SCO1: variants seen among roughly 807,000 people sequenced by gnomAD.
The protein encoded by SCO1 is cytochrome c oxidase assembly factor SCO1.
SCO1 carries 23 observed loss-of-function variants against 34.0 expected under a neutral mutation model. That is an observed-to-expected ratio of 0.68 (90% CI 0.49 to 0.96). SCO1 has a LOEUF of 0.96. Ranked by LOEUF, SCO1 falls within the 40% of genes least tolerant of loss-of-function variation. The pLI is 0.00. For synonymous variants in SCO1, 161 were observed against 145.5 expected (o/e 1.11, Z -0.77); for missense variants, 404 against 381.6 (o/e 1.06, Z -0.49).
chr17:10,684,469 T>G (rs896871939), intron 5 of SCO1, among the ~76,000 whole-genome samples: 9 of 152,230 alleles, frequency 5.9e-5, no homozygotes, highest in Non-Finnish European at 1.3e-4. Flanking sequence ...GATAGCAGTC[T>G]GACCAAAACC....
chr17:10,693,261 T>C lies in SCO1; in HGVS notation c.365-300A>G, dbSNP rs2520175. Among the ~76,000 whole-genome samples, 6,841 of 152,292 alleles carry C rather than the reference T, an allele frequency of 0.045. 493 individuals carry two copies. The highest frequency in any genetic ancestry group is 0.15 in the African/African-American group (6,207 of 41,546). ...GTCCATGCTGGGGGCAGGGAGGGGC[T>C]GCAGTGGCCTAGAGCTGAATGTCTA... On this transcript the variant is annotated intron_variant, in intron 2 of 5. Transcript: ENST00000255390.
At position 10,674,119 on chromosome 17, in the gene SCO1, A is replaced by T. The variant is rs2074565480; in HGVS notation, c.*7000T>A. ...AAGACTGAGGTGGGGATCTTGTTAA[A>T]ATACAGACTGTGGGCCAGGCGTGGT... On this transcript the variant is annotated 3_prime_UTR_variant, in exon 6 of 6. Transcript: ENST00000255390. 6.5e-6 allele frequency: 1 copy of T among 152,846 alleles called. No homozygotes were observed. The allele number at this position is 152,846 out of a possible 1,614,324, so 9.5% of individuals were successfully genotyped here.
chr17:10,686,950 C>T (rs1285719539), intron 4 of SCO1, 108 bp from the exon 5 acceptor site: 14 of 737,646 alleles, frequency 1.9e-5, no homozygotes, highest in Non-Finnish European at 3.2e-5. Flanking sequence ...CACTTTCTTC[C>T]TGTGAGTCTC....
chr17:10,697,131 A>T, intron 1 of SCO1, 104 bp downstream of exon 1: 2 of 1,124,996 alleles, frequency 1.8e-6, no homozygotes, highest in Non-Finnish European at 2.5e-6. Context: ...GGACAACTTT[A>T]GGGGAGGCGG....
rs554639987 is a variant in SCO1, at chr17:10,680,700, T to C, written c.*419A>G. ...CTCAAGAAGAGGCAAGCAAGAGCACTATGGAAATTATATTCTTTTCTGTGA... is the reference window on the plus strand; with the variant it reads ...CTCAAGAAGAGGCAAGCAAGAGCACCATGGAAATTATATTCTTTTCTGTGA... On this transcript the variant is annotated 3_prime_UTR_variant, in exon 6 of 6. Transcript: ENST00000255390. 4.2e-6 allele frequency: 1 copy of C among 238,452 alleles called. No individual in the cohort carries two copies. The highest frequency in any genetic ancestry group is 6.1e-5 in the South Asian group (1 of 16,290). The allele number at this position is 238,452 out of a possible 1,614,324, so 14.8% of individuals were successfully genotyped here. A position where few individuals can be genotyped will look rare whatever the true frequency, so the allele number is the denominator to read the frequency against.
chr17:10,686,915 A>G, intron 4 of SCO1, 73 bp from the exon 5 acceptor site: 2 of 964,130 alleles, frequency 2.1e-6, no homozygotes, highest in Non-Finnish European at 3.4e-6. Context: ...CAAAAAATGT[A>G]TCAGTTGTAA....
In SCO1 at chr17:10,673,927, G is replaced by C. The variant is rs1211178907; in HGVS notation, c.*7192C>G. 6.6e-6 allele frequency: 1 copy of C among 152,196 alleles called. No individual in the cohort carries two copies. The highest frequency in any genetic ancestry group is 1.5e-5 in the Non-Finnish European group (1 of 68,032). 9.4% of individuals were successfully genotyped at this position (152,196 alleles called of 1,614,324 possible). ...ATCAGAAAATGGAATTTGTTTATTT[G>C]AGAGACTCTTCAAATTGTGTTTCAT... On this transcript the variant is annotated 3_prime_UTR_variant, in exon 6 of 6. Coordinates refer to ENST00000255390, the MANE Select transcript of SCO1 (RefSeq NM_004589.4).
chr17:10,674,938 C>T lies in SCO1; in HGVS notation c.*6181G>A, dbSNP rs2074570873. The stretch of plus-strand genomic sequence containing the variant: ...TGCAGTGAGCATCATCAGAGTGGTC[C>T]GGAGCTTGACTGACAACGACCAGCT... On this transcript the variant is annotated 3_prime_UTR_variant, in exon 6 of 6. Transcript: ENST00000255390. The T allele has an allele frequency of 6.6e-6, 1 of 152,204 alleles. No individual in the cohort carries two copies. The highest frequency in any genetic ancestry group is 2.4e-5 in the African/African-American group (1 of 41,426). The allele number at this position is 152,204 out of a possible 1,614,324, so 9.4% of individuals were successfully genotyped here.
rs1205857807 is a variant in SCO1 at position 10,692,936 on chromosome 17, G to C, written c.390C>G (p.His130Gln). 6.2e-7 allele frequency: 1 copy of C among 1,614,128 alleles called. No homozygotes were observed. Among genetic ancestry groups the C allele is most frequent in the Non-Finnish European group, 8.5e-7 (1 of 1,180,024 alleles). The stretch of plus-strand genomic sequence containing the variant: ...GTCCCCCAAGTAAAGGCTTGCCGAT[G>C]TGTCGCTGCCGTTCCTTCTCTAACT... ...AEKLEKERQR[H>Q]IGKPLLGGPF... Residue 130 changes from histidine (H) to glutamine (Q), a missense_variant, in exon 3 of 6, where the codon CAC becomes CAG. Physicochemically the swap from His to Gln is conservative, Grantham distance 24 (BLOSUM62 0). Transcript: ENST00000255390.
rs890948599 is a variant in SCO1 at position 10,675,348 on chromosome 17, C to G, written c.*5771G>C. 1 of 152,296 alleles carries G rather than the reference C, an allele frequency of 6.6e-6. No individual in the cohort carries two copies. Among genetic ancestry groups the G allele is most frequent in the African/African-American group, 2.4e-5 (1 of 41,444 alleles). 9.4% of individuals were successfully genotyped at this position (152,296 alleles called of 1,614,324 possible). A position where few individuals can be genotyped will look rare whatever the true frequency, so the allele number is the denominator to read the frequency against. On this transcript the variant is annotated 3_prime_UTR_variant, in exon 6 of 6. Transcript: ENST00000255390. ...ACCTGATGCTGGCATTAGCTTTTAT[C>G]TCTCTGCCCAAGCTACAGCAAATTG...
In SCO1 at chr17:10,680,275, T is replaced by C. The variant is rs1321247037; in HGVS notation, c.*844A>G. 6.6e-6 allele frequency: 1 copy of C among 152,244 alleles called. No homozygotes were observed. The highest frequency in any genetic ancestry group is 6.5e-5 in the Admixed American group (1 of 15,272). The allele number at this position is 152,244 out of a possible 1,614,324, so 9.4% of individuals were successfully genotyped here. A position where few individuals can be genotyped will look rare whatever the true frequency, so the allele number is the denominator to read the frequency against. On this transcript the variant is annotated 3_prime_UTR_variant, in exon 6 of 6. Transcript: ENST00000255390. ...CGCTGGAGCCTGTGGGTCTCTTTCC[T>C]GAGAACTGTGTGCAGCCATCTATGT...
chr17:10,681,644 A>G (rs1009550156), intron 5 of SCO1, among the ~76,000 whole-genome samples: 2 of 152,222 alleles, frequency 1.3e-5, no homozygotes, highest in African/African-American at 2.4e-5. Flanking sequence ...TTTGAGTAAG[A>G]TATCTCCTCA....
rs57744268 is a variant in SCO1 at position 10,696,952 on chromosome 17, A to ATT, written c.273+281_273+282dup. Among the ~76,000 whole-genome samples the ATT allele has an allele frequency of 0.43, 62,938 of 146,202 alleles. 13,498 individuals are homozygous for ATT. Among genetic ancestry groups the ATT allele is most frequent in the East Asian group, 0.52 (2,596 of 4,966 alleles). On this transcript the variant is annotated intron_variant, in intron 1 of 5. Transcript: ENST00000255390. ...TACCCTTAAGAAAACCTGAAACTTA[A>ATT]TTTTTTTTTTTTTTTTGATGGAAAC...
rs1422729857 is a variant in SCO1, at chr17:10,675,731, A to T, written c.*5388T>A. 2 of 152,092 alleles carry T rather than the reference A, an allele frequency of 1.3e-5. No homozygotes were observed. The highest frequency in any genetic ancestry group is 3.9e-4 in the East Asian group (2 of 5,174). The allele number at this position is 152,092 out of a possible 1,614,324, so 9.4% of individuals were successfully genotyped here. The stretch of plus-strand genomic sequence containing the variant: ...TAACACAATTATTCCTGTTTTACAA[A>T]TTTAAAGAAAAAAAACACCCAACAA... On this transcript the variant is annotated 3_prime_UTR_variant, in exon 6 of 6. Transcript: ENST00000255390.
intron 4 of SCO1, among the ~76,000 whole-genome samples, chr17:10,690,394 T>A (rs1247034224): frequency 6.6e-6 from 1 of 152,108 alleles, no homozygotes; most frequent in Non-Finnish European, 1.5e-5. Context: ...AATAGACATT[T>A]CTCAATAGAA....
Position 10,678,213 on chromosome 17 carries a change from T to G in SCO1, c.*2906A>C, listed in dbSNP as rs2074594649. ...CTGGCATACGGAACCTCCGTTTTGG[T>G]TGGATTCACACAGTCACCATAAGCG... is the stretch of plus-strand genomic sequence containing the variant. On this transcript the variant is annotated 3_prime_UTR_variant, in exon 6 of 6. Coordinates refer to ENST00000255390, the MANE Select transcript of SCO1 (RefSeq NM_004589.4). 6.6e-6 allele frequency: 1 copy of G among 152,198 alleles called. No individual in the cohort carries two copies. Among genetic ancestry groups the G allele is most frequent in the African/African-American group, 2.4e-5 (1 of 41,448 alleles). 9.4% of individuals were successfully genotyped at this position (152,198 alleles called of 1,614,324 possible).
intron 4 of SCO1, 71 bp from the exon 5 acceptor site, chr17:10,686,913 G>A (rs1015012744): frequency 4.1e-6 from 4 of 969,060 alleles, no homozygotes; most frequent in East Asian, 2.4e-5. Flanking sequence ...TTCAAAAAAT[G>A]TATCAGTTGT....
In SCO1 at chr17:10,678,575, T is replaced by TAA. The variant is rs1328672131; in HGVS notation, c.*2542_*2543dup. The stretch of plus-strand genomic sequence containing the variant: ...CAAATGTTTTGTGGCTTAAAACAGA[T>TAA]AATCTTTTTAAAGATTTGGCCTTTG... On this transcript the variant is annotated 3_prime_UTR_variant, in exon 6 of 6. Transcript: ENST00000255390. The TAA allele has an allele frequency of 6.6e-6, 1 of 152,256 alleles. No individual in the cohort carries two copies. The highest frequency in any genetic ancestry group is 1.5e-5 in the Non-Finnish European group (1 of 68,046). 9.4% of individuals were successfully genotyped at this position (152,256 alleles called of 1,614,324 possible).
Position 10,692,871 on chromosome 17 carries a change from T to C in SCO1, c.455A>G (p.Asp152Gly). 1 of 1,614,182 alleles carries C rather than the reference T, an allele frequency of 6.2e-7. No homozygotes were observed. The highest frequency in any genetic ancestry group is 1.1e-5 in the South Asian group (1 of 91,078). The change falls in exon 3 of 6, where the codon GAC becomes GGC. Residue 152 changes from aspartate to glycine, a missense_variant. Asp to Gly is a moderately conservative substitution (Grantham distance 94). Coordinates refer to ENST00000255390, the MANE Select transcript of SCO1 (RefSeq NM_004589.4). ...TAACCACTGACCCAAGTAGTCCTTG[T>C]CAGTTTTACGCTCCCCAGTATGAGT... ...LTTHTGERKT[D>G]KDYLGQWLLI...
Sources: gnomAD v4.1 joint callset for allele counts (sites outside exome capture counted in the v4.1 genomes callset) on GRCh38, gnomAD v4.1.1 for gene constraint, MANE v1.5 for transcripts, NCBI Gene and HGNC (gene_info 2026-07-23, HGNC 2026-07-21) for gene names.